The following CRACDL variants were observed in gnomAD, a reference collection of about 807,000 sequenced individuals.
CRACDL encodes CRACD-like protein.
A neutral mutation model predicts 70.6 loss-of-function variants in CRACDL; 26 were observed. That is an observed-to-expected ratio of 0.37 (90% CI 0.27 to 0.51). The LOEUF (loss-of-function observed/expected upper bound fraction) is 0.51, where lower values mean the gene tolerates loss of function less well. Ranked by LOEUF, CRACDL falls within the 20% of genes least tolerant of loss-of-function variation. CRACDL has a pLI of 0.94. For synonymous variants in CRACDL, 618 were observed against 615.2 expected (o/e 1.00, Z -0.07); for missense variants, 1,283 against 1,376.9 (o/e 0.93, Z 1.08).
At chr2:98,892,936 C>G (rs974433955) in intron 1 of CRACDL, among the ~76,000 whole-genome samples, 9 of 152,156 alleles carry the variant, frequency 5.9e-5, no homozygotes, top group African/African-American at 2.2e-4. Context: ...GGGACCTCAG[C>G]CACAGATTTT....
chr2:98,855,841 G>A (rs890801808), intron 1 of CRACDL, among the ~76,000 whole-genome samples: 8 of 152,102 alleles, frequency 5.3e-5, no homozygotes, highest in Admixed American at 6.5e-5. Context: ...AGTACAATAA[G>A]TGAAATGAGA....
At chr2:98,928,034 A>G (rs550402535) in intron 1 of CRACDL, among the ~76,000 whole-genome samples, 20 of 152,158 alleles carry the variant, frequency 1.3e-4, no homozygotes, top group African/African-American at 4.6e-4. Flanking sequence ...TACCAAAAAA[A>G]ATTAGCCAGT....
intron 8 of CRACDL, 131 bp downstream of exon 8, chr2:98,797,219 T>C: frequency 2.4e-6 from 2 of 838,184 alleles, no homozygotes; most frequent in Non-Finnish European, 3.8e-6. Flanking sequence ...CGACCACACA[T>C]CCACAACCAT....
intron 7 of CRACDL, among the ~76,000 whole-genome samples, chr2:98,814,154 A>G (rs1299725420): frequency 2.6e-5 from 4 of 151,452 alleles, no homozygotes; most frequent in Non-Finnish European, 5.9e-5. Context: ...TATTATTTTT[A>G]TATTTTCATT....
intron 1 of CRACDL, among the ~76,000 whole-genome samples, chr2:98,901,293 T>A (rs889869311): frequency 6.6e-6 from 1 of 152,090 alleles, no homozygotes; most frequent in Non-Finnish European, 1.5e-5. Context: ...TCTGCCACAG[T>A]GGGAAAGTTG....
intron 1 of CRACDL, among the ~76,000 whole-genome samples, chr2:98,932,470 G>T (rs1037424656): frequency 6.6e-6 from 1 of 152,144 alleles, no homozygotes; most frequent in East Asian, 1.9e-4. Flanking sequence ...ATTATGACTC[G>T]GACCTTTCCG....
Position 98,934,498 on chromosome 2 carries a change from A to G in CRACDL, c.-11+1440T>C, listed in dbSNP as rs1384169451. ...GTGTGAGCCATCGCGCCCAGCCAAG[A>G]TTCATCTTAACTAGCCTAAGAGGGC... On this transcript the variant is annotated intron_variant, in intron 1 of 9. Transcript: ENST00000397899. Among the ~76,000 whole-genome samples the G allele has an allele frequency of 3.3e-5, 5 of 152,104 alleles. 1 individual carries two copies. In the South Asian group the frequency reaches 6.2e-4, roughly 19 times the overall value.
chr2:98,859,286 G>T (rs75481324), intron 1 of CRACDL, among the ~76,000 whole-genome samples: 56 of 152,146 alleles, frequency 3.7e-4, no homozygotes, highest in African/African-American at 1.3e-3. Context: ...TTTACCTCAG[G>T]AATACAGGTT....
rs113964875 is a variant in CRACDL, at chr2:98,913,565, T to C, written c.-11+22373A>G. On this transcript the variant is annotated intron_variant, in intron 1 of 9. Coordinates refer to ENST00000397899, the MANE Select transcript of CRACDL (RefSeq NM_207362.3). The stretch of plus-strand genomic sequence containing the variant: ...ACCCACGGGGCTGGCTGGGAGGAGA[T>C]AGATTGGAGGGTGCAGGCAGAGGGC... Among the ~76,000 whole-genome samples the C allele has an allele frequency of 2.6e-3, 388 of 152,042 alleles. 3 individuals are homozygous for C. Among genetic ancestry groups the C allele is most frequent in the Non-Finnish European group, 4.7e-3 (321 of 67,954 alleles).
At chr2:98,841,528 T>C (rs1706027353) in intron 2 of CRACDL, among the ~76,000 whole-genome samples, 1 of 152,156 alleles carries the variant, frequency 6.6e-6, no homozygotes, top group African/African-American at 2.4e-5. Flanking sequence ...ACCTCGAAGT[T>C]ATTTCATGTT....
chr2:98,878,164 C>T (rs902036204), intron 1 of CRACDL, among the ~76,000 whole-genome samples: 2 of 152,142 alleles, frequency 1.3e-5, no homozygotes, highest in Non-Finnish European at 2.9e-5. Context: ...CCAGGATGGT[C>T]TCAAACTCCT....
intron 1 of CRACDL, among the ~76,000 whole-genome samples, chr2:98,877,896 G>C (rs1470838671): frequency 1.3e-5 from 2 of 151,664 alleles, no homozygotes; most frequent in Admixed American, 1.3e-4. Flanking sequence ...AACTCCTCCA[G>C]TCCTGCAAGC....
intron 1 of CRACDL, among the ~76,000 whole-genome samples, chr2:98,854,330 TA>T (rs1040274604): frequency 6.8e-6 from 1 of 147,338 alleles, no homozygotes; most frequent in African/African-American, 2.5e-5. Flanking sequence ...TGGGATACAT[TA>T]AAAAGTTGAA....
intron 1 of CRACDL, chr2:98,869,420 G>A (rs773674259): frequency 3.9e-5 from 19 of 486,794 alleles, no homozygotes; most frequent in Non-Finnish European, 5.4e-5. Context: ...CCTGAAGGCC[G>A]GGATGGGGGT....
chr2:98,905,333 C>G (rs1708384058), intron 1 of CRACDL, among the ~76,000 whole-genome samples: 1 of 152,050 alleles, frequency 6.6e-6, no homozygotes, highest in African/African-American at 2.4e-5. Flanking sequence ...CTGACTCCCT[C>G]TGCCTTCCAC....
chr2:98,935,777 G>C (rs993712889), intron 1 of CRACDL, among the ~76,000 whole-genome samples, 161 bp downstream of exon 1: 1 of 152,152 alleles, frequency 6.6e-6, no homozygotes, highest in Non-Finnish European at 1.5e-5. Flanking sequence ...TTCGGCGGCG[G>C]GGGTGGCGCC....
At chr2:98,889,291 GAAAGAAAGAAAGAAAGAAAGAA>G (rs1707892838) in intron 1 of CRACDL, among the ~76,000 whole-genome samples, 3 of 32,604 alleles carry the variant, frequency 9.2e-5, no homozygotes, top group Non-Finnish European at 1.7e-4. Flanking sequence ...GAGAGAGAAA[GAAAGAAAGAAAGAAAGAAAGAA>G]AGAAAGAAAG....
chr2:98,878,825 G>A (rs80296802), intron 1 of CRACDL, among the ~76,000 whole-genome samples: 5,518 of 152,264 alleles, frequency 0.036, 133 homozygotes, highest in Middle Eastern at 0.065. Context: ...CATTGAATGC[G>A]TATGGCTTTC....
At chr2:98,797,648 G>A in intron 7 of CRACDL, 111 bp from the exon 8 acceptor site, 1 of 961,214 alleles carries the variant, frequency 1.0e-6, no homozygotes, top group South Asian at 1.6e-5. Flanking sequence ...GTTGCAGGGT[G>A]TCTGGGAGAG....
Sources: gnomAD v4.1 joint callset for allele counts (sites outside exome capture counted in the v4.1 genomes callset) on GRCh38, gnomAD v4.1.1 for gene constraint, MANE v1.5 for transcripts, NCBI Gene and HGNC (gene_info 2026-07-23, HGNC 2026-07-21) for gene names.